Variants in UGGT2 observed in about 807,000 individuals in gnomAD.
UGGT2 encodes UDP-glucose glycoprotein glucosyltransferase 2, also known as UDP-glucose:glycoprotein glucosyltransferase 2.
UGGT2 carries 180 observed loss-of-function variants against 192.1 expected under a neutral mutation model. The observed-to-expected ratio is 0.94, with a 90% CI of 0.83 to 1.06. The LOEUF (loss-of-function observed/expected upper bound fraction) is 1.06, where lower values mean the gene tolerates loss of function less well. Among genes scored for constraint, UGGT2 ranks in the 50% least tolerant of loss-of-function variants. The pLI, the probability that UGGT2 is intolerant of heterozygous loss-of-function variation, is 0.00. For missense variants in UGGT2, 1,849 were observed against 1,795.7 expected (o/e 1.03, Z -0.54); for synonymous variants, 580 against 591.0 (o/e 0.98, Z 0.27).
intron 20 of UGGT2, among the ~76,000 whole-genome samples, chr13:95,915,390 TTGTC>T (rs2048648802): frequency 6.6e-6 from 1 of 152,198 alleles, no homozygotes; most frequent in South Asian, 2.1e-4. Flanking sequence ...CTATCACTTA[TTGTC>T]TGTCTCCCTA....
intron 2 of UGGT2, 98 bp from the exon 3 acceptor site, chr13:96,023,857 T>C: frequency 9.7e-7 from 1 of 1,031,180 alleles, no homozygotes; most frequent in Non-Finnish European, 1.3e-6. Flanking sequence ...CATATAATCA[T>C]ATCTGAAGTT....
At chr13:95,996,488 C>T (rs531432) in intron 6 of UGGT2, among the ~76,000 whole-genome samples, 125,491 of 150,846 alleles carry the variant, frequency 0.83, 52,478 homozygotes, top group East Asian at 0.93. Context: ...AGAGTAAGAC[C>T]GTGTCTAAAA....
chr13:95,999,272 A>G lies in UGGT2; in HGVS notation c.696T>C (p.Tyr232=). The G allele has an allele frequency of 6.2e-6, 10 of 1,613,618 alleles. No individual in the cohort carries two copies. Among genetic ancestry groups the G allele is most frequent in the Non-Finnish European group, 8.5e-6 (10 of 1,179,712 alleles). ...TACTCTTAATTGCTAGCTCCACACCATACCCAGATAAGTACATTTTCCGTG... is the reference window on the plus strand; with the variant it reads ...TACTCTTAATTGCTAGCTCCACACCGTACCCAGATAAGTACATTTTCCGTG... ...PSSRKMYLSG[Y]GVELAIKSTE... The change falls in exon 6 of 39, where the codon TAT becomes TAC. Residue 232 remains tyrosine (Y), a synonymous_variant. Transcript: ENST00000376747.
chr13:95,910,318 C>T (rs942814432), intron 20 of UGGT2, among the ~76,000 whole-genome samples: 16 of 152,060 alleles, frequency 1.1e-4, no homozygotes, highest in African/African-American at 3.6e-4. Flanking sequence ...GAGTCAAGAC[C>T]CATCAGTGTG....
chr13:95,911,103 T>C (rs991361884), intron 20 of UGGT2, among the ~76,000 whole-genome samples: 2 of 152,120 alleles, frequency 1.3e-5, no homozygotes, highest in Non-Finnish European at 2.9e-5. Context: ...TAGAGGGAAA[T>C]TTATACTACT....
rs537508084 is a variant in UGGT2 at position 95,992,786 on chromosome 13, A to T, written c.831-2713T>A. 2.5e-3 allele frequency among the ~76,000 whole-genome samples: 385 copies of T among 152,348 alleles called. 1 individual carries two copies. Among genetic ancestry groups the T allele is most frequent in the Non-Finnish European group, 4.5e-3 (309 of 68,036 alleles). On this transcript the variant is annotated intron_variant, in intron 7 of 38. Transcript: ENST00000376747. ...AGTCAAAAAGTAACAGATGCTGGCA[A>T]GGCTGCAGAGAAAAGGGAATGCTTA...
At chr13:95,806,235 T>A (rs988419760) in intron 38 of UGGT2, among the ~76,000 whole-genome samples, 1 of 152,098 alleles carries the variant, frequency 6.6e-6, no homozygotes, top group Non-Finnish European at 1.5e-5. Flanking sequence ...CTTAGGGAGC[T>A]GTATGTAGCT....
intron 9 of UGGT2, among the ~76,000 whole-genome samples, chr13:95,985,551 T>C (rs1594511329): frequency 6.6e-6 from 1 of 152,184 alleles, no homozygotes; most frequent in Non-Finnish European, 1.5e-5. Context: ...TATGCTAAGC[T>C]AGTAGACTGC....
chr13:95,944,762 T>A (rs2049808200), intron 15 of UGGT2, among the ~76,000 whole-genome samples: 1 of 152,030 alleles, frequency 6.6e-6, no homozygotes, highest in Non-Finnish European at 1.5e-5. Flanking sequence ...CTCTTCTGTT[T>A]TGAATGCAAA....
intron 20 of UGGT2, among the ~76,000 whole-genome samples, chr13:95,923,884 C>T (rs1301150200): frequency 6.6e-6 from 1 of 152,110 alleles, no homozygotes; most frequent in Non-Finnish European, 1.5e-5. Flanking sequence ...ACTTTTTCTT[C>T]CTTGTTAGTC....
chr13:95,938,588 G>A (rs889562090), intron 16 of UGGT2, among the ~76,000 whole-genome samples: 6 of 152,150 alleles, frequency 3.9e-5, no homozygotes, highest in East Asian at 1.9e-4. Flanking sequence ...CTATCTGTAC[G>A]TTTAGTGGGC....
chr13:95,833,306 T>C (rs1193965815), intron 37 of UGGT2, among the ~76,000 whole-genome samples: 1 of 152,124 alleles, frequency 6.6e-6, no homozygotes, highest in East Asian at 1.9e-4. Flanking sequence ...CTCATAAGTC[T>C]GTCAAAAAAA....
intron 27 of UGGT2, among the ~76,000 whole-genome samples, chr13:95,878,610 A>G (rs1166217708): frequency 6.6e-6 from 1 of 152,210 alleles, no homozygotes; most frequent in African/African-American, 2.4e-5. Context: ...TATGAACAGC[A>G]TAACTAAACA....
chr13:95,873,587 T>G (rs538992578), intron 29 of UGGT2, among the ~76,000 whole-genome samples: 7 of 152,350 alleles, frequency 4.6e-5, no homozygotes, highest in African/African-American at 1.7e-4. Flanking sequence ...GCTAGTTGCA[T>G]GCATGCTCTC....
intron 4 of UGGT2, among the ~76,000 whole-genome samples, chr13:96,015,316 A>C (rs984574881): frequency 6.6e-6 from 1 of 151,856 alleles, no homozygotes; most frequent in African/African-American, 2.4e-5. Flanking sequence ...AAAGGCTGCC[A>C]ATAAAACTAT....
At chr13:95,938,644 A>T (rs190368872) in intron 16 of UGGT2, among the ~76,000 whole-genome samples, 1 of 152,054 alleles carries the variant, frequency 6.6e-6, no homozygotes, top group African/African-American at 2.4e-5. Flanking sequence ...TGATATGCAA[A>T]CTCTCTCCTA....
chr13:95,949,336 A>C lies in UGGT2; in HGVS notation c.1454T>G (p.Leu485Trp). 6.5e-7 allele frequency: 1 copy of C among 1,533,212 alleles called. No individual in the cohort carries two copies. Among genetic ancestry groups the C allele is most frequent in the Non-Finnish European group, 8.8e-7 (1 of 1,142,470 alleles). 95.0% of individuals were successfully genotyped at this position (1,533,212 alleles called of 1,614,324 possible). Residue 485 changes from leucine to tryptophan, a missense_variant and splice_region_variant, in exon 13 of 39, where the codon TTG becomes TGG. Transcript: ENST00000376747. ...VPSIRRNFHN[L>W]VLFIDPAQEY... ...GTATAATCAAAATATAAAACTCACCAAATTATGAAAATTGCGCCTTATGGA... is the reference window on the plus strand; with the variant it reads ...GTATAATCAAAATATAAAACTCACCCAATTATGAAAATTGCGCCTTATGGA...
intron 17 of UGGT2, among the ~76,000 whole-genome samples, chr13:95,928,671 C>T (rs999736252): frequency 4.6e-5 from 7 of 151,950 alleles, no homozygotes; most frequent in East Asian, 1.9e-4. Context: ...ACTTCCTAGA[C>T]GGGATGACGG....
At position 95,836,102 on chromosome 13, in the gene UGGT2, G is replaced by A. The variant is rs1227221812; in HGVS notation, c.4401+984C>T. On this transcript the variant is annotated intron_variant, in intron 37 of 38. Transcript: ENST00000376747. Reference sequence around the variant, plus strand: ...TTTGCTCTTGTCTCCAGGCTGGAGTGTAGTGGCGCCATCTCCGCTCTCTGC... The same window carrying A: ...TTTGCTCTTGTCTCCAGGCTGGAGTATAGTGGCGCCATCTCCGCTCTCTGC... Among the ~76,000 whole-genome samples, 4 of 152,132 alleles carry A rather than the reference G, an allele frequency of 2.6e-5. 1 individual carries two copies. Among genetic ancestry groups the A allele is most frequent in the Middle Eastern group, 6.3e-3 (2 of 316 alleles).
Sources: allele counts gnomAD v4.1 joint callset (sites outside exome capture counted in the v4.1 genomes callset), GRCh38; gene constraint gnomAD v4.1.1; transcripts MANE v1.5; gene names NCBI Gene and HGNC (gene_info 2026-07-23, HGNC 2026-07-21).